The following BCAS3 variants were observed in gnomAD, a reference collection of about 807,000 sequenced individuals.
BCAS3 encodes BCAS3 microtubule associated cell migration factor.
In BCAS3, 53 loss-of-function variants were observed where a neutral mutation model predicts 116.1. That is an observed-to-expected ratio of 0.46 (90% confidence interval 0.37 to 0.57). The LOEUF (loss-of-function observed/expected upper bound fraction) is 0.57, where lower values mean the gene tolerates loss of function less well. Among genes scored for constraint, BCAS3 ranks in the 20% least tolerant of loss-of-function variants. The probability of loss-of-function intolerance (pLI) is 0.00; values close to 1 mark genes in which losing one functional copy is unlikely to be tolerated. For missense variants in BCAS3, 917 were observed against 1,165.4 expected (o/e 0.79, Z 3.10); for synonymous variants, 391 against 408.2 (o/e 0.96, Z 0.51).
At chr17:60,921,823 AC>A (rs1184277011) in intron 12 of BCAS3, among the ~76,000 whole-genome samples, 7 of 151,904 alleles carry the variant, frequency 4.6e-5, no homozygotes, top group African/African-American at 9.7e-5. Flanking sequence ...TAAAAAAAAA[AC>A]ATGTAAACAA....
At position 61,340,264 on chromosome 17, in the gene BCAS3, G is replaced by A. The variant is rs190575951; in HGVS notation, c.2426-28063G>A. Among the ~76,000 whole-genome samples the A allele has an allele frequency of 1.1e-3, 160 of 151,380 alleles. 1 individual carries two copies. Among genetic ancestry groups the A allele is most frequent in the Non-Finnish European group, 1.8e-3 (123 of 67,842 alleles). ...TAGCATAGTGATGGCAAGAGGGGGT[G>A]GGGGCTGGTGCATACATGGAGGGAT... On this transcript the variant is annotated intron_variant, in intron 22 of 23. Coordinates refer to ENST00000407086, the MANE Select transcript of BCAS3 (RefSeq NM_017679.5).
intron 19 of BCAS3, among the ~76,000 whole-genome samples, chr17:61,052,690 TGTGA>T (rs1315939058): frequency 6.6e-6 from 1 of 151,434 alleles, no homozygotes; most frequent in African/African-American, 2.4e-5. Flanking sequence ...TTAAGTCTGT[TGTGA>T]GTTTCTTTCT....
rs1655812814 is a variant in BCAS3, at chr17:61,051,051, A to T, written c.2029+10159A>T. On this transcript the variant is annotated intron_variant, in intron 19 of 23. Transcript: ENST00000407086. This position sits in a 1 kb window ranked among gnomAD's most constrained non-coding sequence, Gnocchi z 4.1. The stretch of plus-strand genomic sequence containing the variant: ...TGGTTCACAGAAGAAATCTAAAGGG[A>T]ATTAAGAAATTATTTTTGACTGAAT... 6.6e-6 allele frequency among the ~76,000 whole-genome samples: 1 copy of T among 152,038 alleles called. No individual in the cohort carries two copies. The highest frequency in any genetic ancestry group is 1.5e-5 in the Non-Finnish European group (1 of 67,952).
Position 61,017,110 on chromosome 17 carries a change from T to G in BCAS3, c.1637+1209T>G, listed in dbSNP as rs763150801. The G allele has an allele frequency of 1.3e-5, 2 of 152,220 alleles. No individual in the cohort carries two copies. Among genetic ancestry groups the G allele is most frequent in the Non-Finnish European group, 2.9e-5 (2 of 68,040 alleles). The allele number at this position is 152,220 out of a possible 1,614,324, so 9.4% of individuals were successfully genotyped here. A position where few individuals can be genotyped will look rare whatever the true frequency, so the allele number is the denominator to read the frequency against. On this transcript the variant is annotated intron_variant, in intron 16 of 23. Coordinates refer to ENST00000407086, the MANE Select transcript of BCAS3 (RefSeq NM_017679.5). This position sits in a 1 kb window ranked among gnomAD's most constrained non-coding sequence, Gnocchi z 4.7. ...ATCTTTTTAATTTTTTTCAGCTTTT[T>G]AACTCCTTGGGCCCAGGAAAAGTAT...
chr17:60,985,430 A>G (rs939291379), intron 14 of BCAS3, among the ~76,000 whole-genome samples: 1 of 152,072 alleles, frequency 6.6e-6, no homozygotes, highest in African/African-American at 2.4e-5. Context: ...TATGGGTGTG[A>G]GCTGTCACAC....
intron 22 of BCAS3, among the ~76,000 whole-genome samples, chr17:61,225,245 G>A (rs2082312604): frequency 6.7e-6 from 1 of 148,444 alleles, no homozygotes; most frequent in Admixed American, 6.8e-5. Context: ...TGACAGCCTT[G>A]AAAGGACACA....
intron 22 of BCAS3, among the ~76,000 whole-genome samples, chr17:61,270,305 T>G (rs1268834075): frequency 6.6e-6 from 1 of 151,540 alleles, no homozygotes; most frequent in East Asian, 1.9e-4. Context: ...TTTTTTTTAG[T>G]AGAGATGGGG....
Position 61,122,514 on chromosome 17 carries a change from A to G in BCAS3, c.2425+37950A>G, listed in dbSNP as rs1220270950. Among the ~76,000 whole-genome samples the G allele has an allele frequency of 6.6e-6, 1 of 152,188 alleles. No individual in the cohort carries two copies. The highest frequency in any genetic ancestry group is 1.5e-5 in the Non-Finnish European group (1 of 68,024). ...AGCCATGAGGGAATTCTCTGAGTAC[A>G]TGCATTTTCACACATCTGCTAATGC... On this transcript the variant is annotated intron_variant, in intron 22 of 23. Coordinates refer to ENST00000407086, the MANE Select transcript of BCAS3 (RefSeq NM_017679.5). This position sits in a 1 kb window ranked among gnomAD's most constrained non-coding sequence, Gnocchi z 4.6.
intron 6 of BCAS3, among the ~76,000 whole-genome samples, chr17:60,773,005 TA>T (rs2044884240): frequency 6.6e-6 from 1 of 152,220 alleles, no homozygotes; most frequent in South Asian, 2.1e-4. Flanking sequence ...CATTGTATGG[TA>T]AAAGTATGTT....
Position 61,380,802 on chromosome 17 carries a change from C to T in BCAS3, c.2594-11175C>T, listed in dbSNP as rs1297702322. ...CTTTGAGAACGCCACTCCCTGCCCC[C>T]CACTTTGAAGATGGAAGTGAAATTT... On this transcript the variant is annotated intron_variant, in intron 23 of 23. Transcript: ENST00000407086. This position sits in a 1 kb window ranked among gnomAD's most constrained non-coding sequence, Gnocchi z 4.2. Among the ~76,000 whole-genome samples the T allele has an allele frequency of 6.6e-6, 1 of 152,172 alleles. No homozygotes were observed. The highest frequency in any genetic ancestry group is 1.9e-4 in the East Asian group (1 of 5,192).
chr17:61,269,375 A>G (rs1273064224), intron 22 of BCAS3, among the ~76,000 whole-genome samples: 6 of 152,132 alleles, frequency 3.9e-5, no homozygotes, highest in Admixed American at 3.9e-4. Flanking sequence ...TCGACTTCCC[A>G]AAGTGCTGGG....
In BCAS3 at chr17:61,126,733, G is replaced by A. The variant is rs150987106; in HGVS notation, c.2425+42169G>A. Among the ~76,000 whole-genome samples, 11 of 152,228 alleles carry A rather than the reference G, an allele frequency of 7.2e-5. No individual in the cohort carries two copies. In the East Asian group the frequency reaches 1.3e-3, roughly 19 times the overall value. ...AAATTGCATCCGGAAAAATGTTTAT[G>A]TAGTGTTTTTCAAATGACTGATTAT... On this transcript the variant is annotated intron_variant, in intron 22 of 23. Transcript: ENST00000407086. The surrounding 1 kb of genome is among the most constrained non-coding windows in gnomAD (Gnocchi z 4.6).
rs1053438702 is a variant in BCAS3, at chr17:60,964,323, A to G, written c.1221+16971A>G. The stretch of plus-strand genomic sequence containing the variant: ...GGTTTTTGTTTTTGATTCTGTTAAT[A>G]TGATATATCATGTTTATTGAGTTGC... On this transcript the variant is annotated intron_variant, in intron 14 of 23. Coordinates refer to ENST00000407086, the MANE Select transcript of BCAS3 (RefSeq NM_017679.5). This position sits in a 1 kb window ranked among gnomAD's most constrained non-coding sequence, Gnocchi z 4.6. Among the ~76,000 whole-genome samples the G allele has an allele frequency of 6.6e-6, 1 of 152,142 alleles. No individual in the cohort carries two copies. Among genetic ancestry groups the G allele is most frequent in the Non-Finnish European group, 1.5e-5 (1 of 68,014 alleles).
intron 12 of BCAS3, among the ~76,000 whole-genome samples, chr17:60,922,871 A>G (rs552377420): frequency 2.7e-4 from 41 of 152,368 alleles, no homozygotes; most frequent in African/African-American, 9.6e-4. Context: ...TAGGGACATT[A>G]GCAAATATTT....
chr17:61,035,228 T>C (rs1383805955), intron 17 of BCAS3, among the ~76,000 whole-genome samples: 1 of 152,040 alleles, frequency 6.6e-6, no homozygotes, highest in African/African-American at 2.4e-5. Flanking sequence ...GAATCAGAGT[T>C]TGAAACCAGA....
At chr17:60,902,526 C>A in intron 10 of BCAS3, 94 bp from the exon 11 acceptor site, 1 of 996,068 alleles carries the variant, frequency 1.0e-6, no homozygotes, top group Admixed American at 1.9e-5. Context: ...ATCACCATCA[C>A]TGTTCACGGA....
intron 14 of BCAS3, among the ~76,000 whole-genome samples, chr17:60,974,982 G>GT (rs1215993175): frequency 5.6e-4 from 77 of 136,362 alleles, no homozygotes; most frequent in East Asian, 1.0e-3. Context: ...TGTTTTTTTT[G>GT]TTTTTTTTGC....
In BCAS3 at chr17:61,363,164, GGGTCCACA is replaced by G. The variant is rs1486878665; in HGVS notation, c.2426-5159_2426-5152del. On this transcript the variant is annotated intron_variant, in intron 22 of 23. Transcript: ENST00000407086. This position sits in a 1 kb window ranked among gnomAD's most constrained non-coding sequence, Gnocchi z 4.9. ...CCACAGGAATGATCTAATTAACCTG[GGGTCCACA>G]GGTGGGTTTCAGAGGCATCCATAGA... 6.6e-6 allele frequency among the ~76,000 whole-genome samples: 1 copy of G among 152,162 alleles called. No individual in the cohort carries two copies. Among genetic ancestry groups the G allele is most frequent in the African/African-American group, 2.4e-5 (1 of 41,436 alleles).
In BCAS3 at chr17:61,313,416, A is replaced by G. The variant is rs1174224360; in HGVS notation, c.2426-54911A>G. 6.6e-6 allele frequency among the ~76,000 whole-genome samples: 1 copy of G among 152,238 alleles called. No homozygotes were observed. The highest frequency in any genetic ancestry group is 1.5e-5 in the Non-Finnish European group (1 of 68,032). On this transcript the variant is annotated intron_variant, in intron 22 of 23. Transcript: ENST00000407086. The surrounding 1 kb of genome is among the most constrained non-coding windows in gnomAD (Gnocchi z 4.3). ...GAATATTAGTTTTCAACCACATTTC[A>G]GACACAGAAAGTGGAGCCTAAGGAA...
Sources: gnomAD v4.1 joint callset for allele counts (sites outside exome capture counted in the v4.1 genomes callset) on GRCh38, gnomAD v4.1.1 for gene constraint, Gnocchi (gnomAD v3.1) non-coding constraint, MANE v1.5 for transcripts, NCBI Gene and HGNC (gene_info 2026-07-23, HGNC 2026-07-21) for gene names.